The following SCMH1 variants were observed in gnomAD, a reference collection of about 807,000 sequenced individuals.
The protein encoded by SCMH1 is polycomb protein SCMH1.
In SCMH1, 37 loss-of-function variants were observed where a neutral mutation model predicts 70.8. The ratio of observed to expected loss-of-function variants is 0.52; its 90% confidence interval spans 0.40 to 0.69. The LOEUF is 0.69. SCMH1 is among the 30% of genes least tolerant of loss of function. The probability of loss-of-function intolerance (pLI) is 0.00; values close to 1 mark genes in which losing one functional copy is unlikely to be tolerated. For missense variants in SCMH1, 607 were observed against 827.3 expected (o/e 0.73, Z 3.27); for synonymous variants, 292 against 307.4 (o/e 0.95, Z 0.52).
intron 13 of SCMH1, among the ~76,000 whole-genome samples, chr1:41,033,285 TAA>T (rs200082441): frequency 2.2e-5 from 3 of 139,182 alleles, no homozygotes; most frequent in African/African-American, 8.0e-5. Flanking sequence ...GAGACACTAT[TAA>T]AAAAAAAAAA....
intron 1 of SCMH1, among the ~76,000 whole-genome samples, chr1:41,227,455 A>G (rs1014974746): frequency 6.6e-6 from 1 of 152,256 alleles, no homozygotes; most frequent in Non-Finnish European, 1.5e-5. Context: ...GCTATAACAC[A>G]GACGAACCTT....
intron 2 of SCMH1, among the ~76,000 whole-genome samples, chr1:41,168,586 T>C (rs1390097890): frequency 6.6e-6 from 1 of 152,032 alleles, no homozygotes; most frequent in Non-Finnish European, 1.5e-5. Context: ...TCTTAGATTC[T>C]CTGTCAGGTA....
At chr1:41,114,028 T>C (rs575021449) in intron 7 of SCMH1, among the ~76,000 whole-genome samples, 4 of 152,092 alleles carry the variant, frequency 2.6e-5, no homozygotes, top group Non-Finnish European at 4.4e-5. Context: ...TATTTCATTG[T>C]ATATATATAT....
intron 6 of SCMH1, among the ~76,000 whole-genome samples, chr1:41,126,172 C>T (rs575732430): frequency 6.6e-6 from 1 of 152,188 alleles, no homozygotes; most frequent in South Asian, 2.1e-4. Context: ...TCTCAGATAA[C>T]CATGCCAAAA....
At chr1:41,067,327 C>T (rs1382352587) in intron 10 of SCMH1, among the ~76,000 whole-genome samples, 1 of 151,552 alleles carries the variant, frequency 6.6e-6, no homozygotes. Context: ...GCCTGTGGTC[C>T]CAGGTACTCG....
intron 10 of SCMH1, among the ~76,000 whole-genome samples, chr1:41,062,394 A>C (rs1284928292): frequency 6.6e-6 from 1 of 151,634 alleles, no homozygotes; most frequent in Non-Finnish European, 1.5e-5. Flanking sequence ...ACTTGAGGTA[A>C]GGAGTTCGAA....
chr1:41,129,084 A>G (rs956101517), intron 6 of SCMH1, among the ~76,000 whole-genome samples: 1 of 152,200 alleles, frequency 6.6e-6, no homozygotes, highest in African/African-American at 2.4e-5. Flanking sequence ...CAATATAAAC[A>G]ACTGCTTTAA....
chr1:41,037,567 G>A, intron 12 of SCMH1, 26 bp from the exon 13 acceptor site: 1 of 1,605,340 alleles, frequency 6.2e-7, no homozygotes, highest in Non-Finnish European at 8.5e-7. Flanking sequence ...ACCAGAGTTA[G>A]AGCTTAGAAG....
intron 10 of SCMH1, among the ~76,000 whole-genome samples, chr1:41,070,196 A>G (rs1446719996): frequency 6.6e-6 from 1 of 151,954 alleles, no homozygotes; most frequent in Non-Finnish European, 1.5e-5. Context: ...TCATTGTACC[A>G]AAGTTTGTCA....
chr1:41,090,306 T>C (rs1339216155), intron 8 of SCMH1, among the ~76,000 whole-genome samples: 5 of 152,164 alleles, frequency 3.3e-5, no homozygotes, highest in Non-Finnish European at 7.3e-5. Context: ...AACAATAAGT[T>C]TAGTGAAAAG....
intron 1 of SCMH1, among the ~76,000 whole-genome samples, chr1:41,219,181 G>A (rs1658719944): frequency 1.3e-5 from 2 of 152,194 alleles, no homozygotes; most frequent in African/African-American, 2.4e-5. Flanking sequence ...AGGGTGATGT[G>A]CCCCAATTCC....
intron 6 of SCMH1, among the ~76,000 whole-genome samples, chr1:41,126,969 T>C (rs987519631): frequency 6.6e-6 from 1 of 152,190 alleles, no homozygotes; most frequent in Non-Finnish European, 1.5e-5. Context: ...GTGTGAAATG[T>C]ACCATTCTGC....
At chr1:41,229,356 A>G (rs978288906) in intron 1 of SCMH1, among the ~76,000 whole-genome samples, 1 of 152,234 alleles carries the variant, frequency 6.6e-6, no homozygotes, top group African/African-American at 2.4e-5. Flanking sequence ...TCCATCAATG[A>G]TAGACTAGAT....
At chr1:41,039,658 G>A (rs1645834079) in intron 12 of SCMH1, among the ~76,000 whole-genome samples, 1 of 151,328 alleles carries the variant, frequency 6.6e-6, no homozygotes, top group Admixed American at 6.6e-5. Context: ...ATTTTTAGCA[G>A]AGATGGGATT....
In SCMH1 at chr1:41,113,887, GC is replaced by G. The variant is rs1669819867; in HGVS notation, c.502-362del. 6.6e-6 allele frequency among the ~76,000 whole-genome samples: 1 copy of G among 151,900 alleles called. No homozygotes were observed. On this transcript the variant is annotated intron_variant, in intron 7 of 14. Transcript: ENST00000337495. This position sits in a 1 kb window ranked among gnomAD's most constrained non-coding sequence, Gnocchi z 4.3. The stretch of plus-strand genomic sequence containing the variant: ...TATATACATACATACCCATTTGCCT[GC>G]TTTTAAATTTTATATAAATGGTATT...
At chr1:41,091,292 T>C (rs1663417730) in intron 8 of SCMH1, among the ~76,000 whole-genome samples, 1 of 152,174 alleles carries the variant, frequency 6.6e-6, no homozygotes, top group African/African-American at 2.4e-5. Context: ...AACCACATGA[T>C]TATCTCAATA....
At chr1:41,171,774 A>G (rs1397419815) in intron 2 of SCMH1, among the ~76,000 whole-genome samples, 2 of 152,244 alleles carry the variant, frequency 1.3e-5, no homozygotes, top group Non-Finnish European at 2.9e-5. Context: ...AACAAATTAA[A>G]CATGTTTCTG....
intron 8 of SCMH1, among the ~76,000 whole-genome samples, chr1:41,107,015 A>C (rs1572180145): frequency 6.9e-6 from 1 of 145,534 alleles, no homozygotes; most frequent in African/African-American, 2.6e-5. Context: ...CCTTGACCAT[A>C]CTTTTTTTTT....
chr1:41,155,051 A>G (rs562310686), intron 4 of SCMH1, among the ~76,000 whole-genome samples: 5 of 152,222 alleles, frequency 3.3e-5, no homozygotes, highest in Non-Finnish European at 7.3e-5. Flanking sequence ...AAAGTCATGG[A>G]CAGATACTCT....
Sources: allele counts gnomAD v4.1 joint callset (sites outside exome capture counted in the v4.1 genomes callset), GRCh38; gene constraint gnomAD v4.1.1; non-coding constraint Gnocchi (gnomAD v3.1); transcripts MANE v1.5; gene names NCBI Gene and HGNC (gene_info 2026-07-23, HGNC 2026-07-21).